Variants in SLC41A2 observed in about 807,000 individuals in gnomAD.
The protein encoded by SLC41A2 is SLC41A1-like 1.
SLC41A2 carries 32 observed loss-of-function variants against 58.3 expected under a neutral mutation model. That is an observed-to-expected ratio of 0.55 (90% CI 0.41 to 0.74). SLC41A2 has a LOEUF of 0.74. Ranked by LOEUF, SLC41A2 falls within the 30% of genes least tolerant of loss-of-function variation. The probability of loss-of-function intolerance (pLI) is 0.00; values close to 1 mark genes in which losing one functional copy is unlikely to be tolerated. For synonymous variants in SLC41A2, 190 were observed against 235.0 expected, an observed-to-expected ratio of 0.81 and a Z score of 1.75; for missense variants, 514 against 680.6, an observed-to-expected ratio of 0.76 and a Z score of 2.72.
chr12:104,956,679 C>CAGAT, intron 1 of SLC41A2, among the ~76,000 whole-genome samples: 1 of 151,058 alleles, frequency 6.6e-6, no homozygotes, highest in East Asian at 1.9e-4. Context: ...AGTCAGTCTC[C>CAGAT]AAATAAATAA....
At chr12:104,858,311 G>GA (rs1034299683) in intron 8 of SLC41A2, among the ~76,000 whole-genome samples, 26 of 148,350 alleles carry the variant, frequency 1.8e-4, no homozygotes, top group African/African-American at 4.9e-4. Flanking sequence ...CATATTTTGA[G>GA]AAAAAAAAAA....
chr12:104,860,593 A>C (rs866165175), intron 8 of SLC41A2, among the ~76,000 whole-genome samples: 2 of 148,516 alleles, frequency 1.3e-5, no homozygotes, highest in South Asian at 2.2e-4. Context: ...TTTTTCTTTT[A>C]TTTTTTTTTA....
chr12:104,939,819 G>A (rs1258336602), intron 1 of SLC41A2, among the ~76,000 whole-genome samples: 1 of 152,056 alleles, frequency 6.6e-6, no homozygotes, highest in Non-Finnish European at 1.5e-5. Flanking sequence ...AGAACTTGTT[G>A]AGCAGATATG....
At chr12:104,836,178 T>C (rs1173864489) in intron 10 of SLC41A2, among the ~76,000 whole-genome samples, 1 of 152,200 alleles carries the variant, frequency 6.6e-6, no homozygotes, top group Non-Finnish European at 1.5e-5. Flanking sequence ...TGGTTAGGAA[T>C]GTAGACTGGA....
chr12:104,956,142 T>C (rs994078827), intron 1 of SLC41A2, among the ~76,000 whole-genome samples: 2 of 152,226 alleles, frequency 1.3e-5, no homozygotes, highest in Admixed American at 1.3e-4. Flanking sequence ...CAGTCAGGAA[T>C]ATGCCTTCTG....
intron 1 of SLC41A2, among the ~76,000 whole-genome samples, chr12:104,949,008 G>T (rs1198486558): frequency 6.6e-6 from 1 of 152,138 alleles, no homozygotes; most frequent in Non-Finnish European, 1.5e-5. Flanking sequence ...CTGAGGTCAG[G>T]AGTTCGAGAC....
chr12:104,900,384 A>G (rs543363855), intron 3 of SLC41A2, among the ~76,000 whole-genome samples: 6 of 152,210 alleles, frequency 3.9e-5, no homozygotes, highest in Non-Finnish European at 7.4e-5. Context: ...TACACAAAAC[A>G]CACACACAAA....
At chr12:104,846,109 C>A in intron 8 of SLC41A2, 135 bp from the exon 9 acceptor site, 3 of 839,858 alleles carry the variant, frequency 3.6e-6, no homozygotes, top group South Asian at 2.0e-5. Flanking sequence ...AAATGTTGAT[C>A]TATTTAATGT....
intron 10 of SLC41A2, among the ~76,000 whole-genome samples, chr12:104,812,375 A>C (rs1363903805): frequency 6.6e-6 from 1 of 152,244 alleles, no homozygotes; most frequent in Non-Finnish European, 1.5e-5. Context: ...TATGATTTTT[A>C]AAAACAGGTT....
intron 10 of SLC41A2, among the ~76,000 whole-genome samples, chr12:104,831,432 G>A (rs1179339369): frequency 6.6e-6 from 1 of 152,128 alleles, no homozygotes; most frequent in Non-Finnish European, 1.5e-5. Context: ...CCACAGTCAT[G>A]CTCCAAATAA....
chr12:104,957,384 T>G (rs547949636), intron 1 of SLC41A2, among the ~76,000 whole-genome samples: 1 of 151,936 alleles, frequency 6.6e-6, no homozygotes, highest in East Asian at 1.9e-4. Flanking sequence ...CAAGGGGAAA[T>G]GAGGAGTGAT....
chr12:104,918,009 A>G (rs933555874), intron 2 of SLC41A2, among the ~76,000 whole-genome samples: 14 of 148,336 alleles, frequency 9.4e-5, no homozygotes, highest in African/African-American at 3.4e-4. Flanking sequence ...AAATATATAT[A>G]TATAAAAAGA....
At chr12:104,889,364 TG>T (rs1177554578) in intron 4 of SLC41A2, among the ~76,000 whole-genome samples, 187 bp from the exon 5 acceptor site, 2 of 152,326 alleles carry the variant, frequency 1.3e-5, no homozygotes, top group East Asian at 3.9e-4. Flanking sequence ...GTTCTCAAAC[TG>T]CTCTGATGAT....
chr12:104,929,136 A>G (rs773496514), intron 1 of SLC41A2, among the ~76,000 whole-genome samples: 2 of 152,172 alleles, frequency 1.3e-5, no homozygotes, highest in Non-Finnish European at 2.9e-5. Context: ...AATAAACCAT[A>G]TTACTTTATT....
At chr12:104,835,468 T>C (rs187072416) in intron 10 of SLC41A2, among the ~76,000 whole-genome samples, 1 of 152,342 alleles carries the variant, frequency 6.6e-6, no homozygotes, top group Admixed American at 6.5e-5. Flanking sequence ...TTTCCATAAA[T>C]ACCCTGAGTT....
intron 10 of SLC41A2, among the ~76,000 whole-genome samples, chr12:104,827,707 G>T (rs903814884): frequency 2.6e-5 from 4 of 152,072 alleles, no homozygotes; most frequent in Non-Finnish European, 4.4e-5. Context: ...AGCCTTGGAC[G>T]ATGGCTCCCC....
At chr12:104,904,861 A>G (rs1190210313) in intron 3 of SLC41A2, among the ~76,000 whole-genome samples, 2 of 152,102 alleles carry the variant, frequency 1.3e-5, no homozygotes, top group Non-Finnish European at 2.9e-5. Context: ...GCGTGGACCC[A>G]AAGAGTGAGC....
At position 104,805,205 on chromosome 12, in the gene SLC41A2, T is replaced by C. The variant is rs1566085556; in HGVS notation, c.1669A>G (p.Ser557Gly). The C allele has an allele frequency of 6.2e-7, 1 of 1,613,660 alleles. No homozygotes were observed. The highest frequency in any genetic ancestry group is 2.2e-5 in the East Asian group (1 of 44,868). ...CCAATAAGCCAAAGAAAATGAAAAC[T>C]TAAGGCTAACAGAGCTGTCCCGAGC... is the stretch of plus-strand genomic sequence containing the variant. ...DLLGTALLALSFHFLWLIGDR... is the reference protein window; with the variant it reads ...DLLGTALLALGFHFLWLIGDR... Residue 557 changes from serine (S) to glycine (G), a missense_variant, in exon 11 of 11, where the codon AGT becomes GGT. Ser to Gly is a moderately conservative substitution (Grantham distance 56). Transcript: ENST00000258538.
At chr12:104,936,516 G>A (rs1380392109) in intron 1 of SLC41A2, among the ~76,000 whole-genome samples, 7 of 152,192 alleles carry the variant, frequency 4.6e-5, no homozygotes, top group South Asian at 4.1e-4. Flanking sequence ...TCACAATCAC[G>A]GCAGAAGGCA....
Sources: allele counts gnomAD v4.1 joint callset (sites outside exome capture counted in the v4.1 genomes callset), GRCh38; gene constraint gnomAD v4.1.1; transcripts MANE v1.5; gene names NCBI Gene and HGNC (gene_info 2026-07-23, HGNC 2026-07-21).